MEI4: variants seen among roughly 807,000 people sequenced by gnomAD.
MEI4 encodes meiosis-specific protein MEI4.
MEI4 carries 27 observed loss-of-function variants against 31.4 expected under a neutral mutation model. The ratio of observed to expected loss-of-function variants is 0.86; its 90% CI spans 0.63 to 1.19. The LOEUF (loss-of-function observed/expected upper bound fraction) is 1.19, where lower values mean the gene tolerates loss of function less well. Among genes scored for constraint, MEI4 ranks in the 50% most tolerant of loss-of-function variants. The pLI, the probability that MEI4 is intolerant of heterozygous loss-of-function variation, is 0.00. For missense variants in MEI4, 329 were observed against 398.9 expected, an observed-to-expected ratio of 0.82 and a Z score of 1.49; for synonymous variants, 122 against 145.4, an observed-to-expected ratio of 0.84 and a Z score of 1.16.
At chr6:77,906,436 A>G (rs796327738) in intron 4 of MEI4, among the ~76,000 whole-genome samples, 10 of 152,254 alleles carry the variant, frequency 6.6e-5, no homozygotes, top group African/African-American at 2.2e-4. Flanking sequence ...AGTTCTATCA[A>G]CTGATGTCAA....
chr6:77,651,696 A>C (rs1274966311), upstream of MEI4, among the ~76,000 whole-genome samples: 6 of 152,210 alleles, frequency 3.9e-5, no homozygotes, highest in Admixed American at 3.9e-4. Flanking sequence ...GTCCTTCAGA[A>C]GAGTTTCAGA....
intron 2 of MEI4, among the ~76,000 whole-genome samples, chr6:77,728,879 G>T (rs1766897271): frequency 6.6e-6 from 1 of 152,142 alleles, no homozygotes; most frequent in Non-Finnish European, 1.5e-5. Flanking sequence ...GTGAACTTTA[G>T]GAGTTTTAAA....
chr6:77,887,056 T>A (rs1771636776), intron 4 of MEI4, among the ~76,000 whole-genome samples: 1 of 152,046 alleles, frequency 6.6e-6, no homozygotes, highest in Non-Finnish European at 1.5e-5. Flanking sequence ...ATGTTGTTTA[T>A]TTGAAATTTT....
chr6:77,787,778 T>C (rs1768784032), intron 3 of MEI4, among the ~76,000 whole-genome samples: 1 of 152,170 alleles, frequency 6.6e-6, no homozygotes, highest in Admixed American at 6.5e-5. Flanking sequence ...TTCAATAAGA[T>C]GCAAGACAGC....
At chr6:77,714,232 A>T in intron 2 of MEI4, among the ~76,000 whole-genome samples, 1 of 125,754 alleles carries the variant, frequency 8.0e-6, no homozygotes, top group Non-Finnish European at 1.9e-5. Context: ...TAACACTTAA[A>T]AATTTAAAAA....
intron 4 of MEI4, among the ~76,000 whole-genome samples, chr6:77,865,888 A>T (rs1243104502): frequency 7.2e-5 from 11 of 152,188 alleles, no homozygotes; most frequent in Non-Finnish European, 1.2e-4. Context: ...AACATGATCA[A>T]GTGGGCTTCA....
At chr6:77,921,695 C>A (rs1392355584) in intron 4 of MEI4, among the ~76,000 whole-genome samples, 1 of 151,646 alleles carries the variant, frequency 6.6e-6, no homozygotes, top group African/African-American at 2.4e-5. Context: ...CACTTAGAGG[C>A]CATTTGTAGG....
At chr6:77,655,719 TTAAAG>T (rs1768381930) in intron 1 of MEI4, among the ~76,000 whole-genome samples, 1 of 152,166 alleles carries the variant, frequency 6.6e-6, no homozygotes. Flanking sequence ...GGAGCACTAT[TTAAAG>T]TAATTTGTTG....
intron 4 of MEI4, among the ~76,000 whole-genome samples, chr6:77,850,949 G>T (rs4267916): frequency 6.6e-6 from 1 of 151,390 alleles, no homozygotes; most frequent in East Asian, 1.9e-4. Flanking sequence ...AGAAAAAAAC[G>T]AACAACCCCA....
intron 3 of MEI4, among the ~76,000 whole-genome samples, chr6:77,781,995 C>T (rs1413358340): frequency 6.6e-6 from 1 of 151,978 alleles, no homozygotes; most frequent in East Asian, 1.9e-4. Context: ...TTTTTTTTAA[C>T]CCTCTGCACT....
intron 4 of MEI4, among the ~76,000 whole-genome samples, chr6:77,856,758 ATCTCATCTTATCCACCGACCTAAGCAC>A (rs1426473534): frequency 2.0e-4 from 30 of 152,070 alleles, no homozygotes; most frequent in East Asian, 3.9e-4. Context: ...TTTAAATATC[ATCTCATCTTATCCACCGACCTAAGCAC>A]TCTCATCTTA....
intron 2 of MEI4, among the ~76,000 whole-genome samples, chr6:77,743,278 G>T (rs1040162609): frequency 2.6e-5 from 4 of 152,194 alleles, no homozygotes; most frequent in African/African-American, 9.6e-5. Context: ...CCATTTGTTT[G>T]TATCCTCTTT....
chr6:77,740,942 C>T (rs902870866), intron 2 of MEI4, among the ~76,000 whole-genome samples: 22 of 152,148 alleles, frequency 1.4e-4, no homozygotes, highest in African/African-American at 4.8e-4. Context: ...AATAGGGAGT[C>T]ACTAAAACCC....
At chr6:77,770,605 T>C (rs1052673506) in intron 3 of MEI4, among the ~76,000 whole-genome samples, 15 of 152,052 alleles carry the variant, frequency 9.9e-5, no homozygotes, top group African/African-American at 3.6e-4. Context: ...ATCCACACTA[T>C]AGGGCTACAG....
chr6:77,685,815 G>A (rs1769044382), intron 1 of MEI4, among the ~76,000 whole-genome samples: 1 of 152,132 alleles, frequency 6.6e-6, no homozygotes, highest in South Asian at 2.1e-4. Flanking sequence ...TGTAGGATCA[G>A]TATGAAGATA....
intron 2 of MEI4, among the ~76,000 whole-genome samples, chr6:77,759,430 A>G (rs967883801): frequency 2.6e-5 from 4 of 152,152 alleles, no homozygotes; most frequent in African/African-American, 9.7e-5. Flanking sequence ...CCCCAGTCTT[A>G]GGCTTATGTG....
At chr6:77,868,932 G>T (rs1401267111) in intron 4 of MEI4, among the ~76,000 whole-genome samples, 1 of 151,998 alleles carries the variant, frequency 6.6e-6, no homozygotes. Flanking sequence ...AGCACCCATG[G>T]TTCATACGGC....
At chr6:77,729,278 A>G (rs1373783015) in intron 2 of MEI4, among the ~76,000 whole-genome samples, 2 of 152,188 alleles carry the variant, frequency 1.3e-5, no homozygotes, top group African/African-American at 4.8e-5. Flanking sequence ...AGCATGTGGG[A>G]GTTAATTATA....
intron 2 of MEI4, among the ~76,000 whole-genome samples, chr6:77,731,551 G>T (rs1766992712): frequency 2.0e-5 from 3 of 151,142 alleles, no homozygotes; most frequent in Non-Finnish European, 3.0e-5. Flanking sequence ...TGAGTAGGTT[G>T]TGAAAATTTT....
Sources: gnomAD v4.1 joint callset for allele counts (sites outside exome capture counted in the v4.1 genomes callset) on GRCh38, gnomAD v4.1.1 for gene constraint, MANE v1.5 for transcripts, NCBI Gene and HGNC (gene_info 2026-07-23, HGNC 2026-07-21) for gene names.